Variants in ALKBH8 observed in about 807,000 individuals in gnomAD.
ALKBH8 encodes the protein alkB homolog 8, tRNA methyltransferase.
In ALKBH8, 36 loss-of-function variants were observed where a neutral mutation model predicts 59.8. The ratio of observed to expected loss-of-function variants is 0.60; its 90% CI spans 0.46 to 0.79. The LOEUF (loss-of-function observed/expected upper bound fraction) is 0.79, where lower values mean the gene tolerates loss of function less well. Among genes scored for constraint, ALKBH8 ranks in the 30% least tolerant of loss-of-function variants. ALKBH8 has a pLI of 0.00. For missense variants in ALKBH8, 768 were observed against 801.0 expected (o/e 0.96, Z 0.50); for synonymous variants, 276 against 273.6 (o/e 1.01, Z -0.09).
intron 11 of ALKBH8, among the ~76,000 whole-genome samples, chr11:107,507,166 A>T (rs546814832): frequency 2.0e-5 from 3 of 152,372 alleles, no homozygotes; most frequent in Non-Finnish European, 2.9e-5. Context: ...GCAATGAAAG[A>T]GAACTAAGAT....
At chr11:107,513,440 T>C (rs958609983) in intron 10 of ALKBH8, among the ~76,000 whole-genome samples, 2 of 152,164 alleles carry the variant, frequency 1.3e-5, no homozygotes, top group Non-Finnish European at 2.9e-5. Context: ...TCTTATACAC[T>C]GCTAGTGGGA....
rs747400741 is a variant in ALKBH8, at chr11:107,508,813, G to A, written c.1437+2074C>T. Among the ~76,000 whole-genome samples the A allele has an allele frequency of 1.0e-3, 152 of 152,112 alleles. 3 individuals are homozygous for A. The highest frequency in any genetic ancestry group is 5.9e-4 in the Non-Finnish European group (40 of 68,022). The stretch of plus-strand genomic sequence containing the variant: ...TTTCACTTAGCATAATATCCTCAAG[G>A]TTCATCCATGTTGTAGCATGTGTCA... On this transcript the variant is annotated intron_variant, in intron 11 of 11. Transcript: ENST00000428149.
intron 8 of ALKBH8, among the ~76,000 whole-genome samples, chr11:107,527,910 G>A (rs950067903): frequency 3.9e-5 from 6 of 151,962 alleles, no homozygotes; most frequent in Non-Finnish European, 8.8e-5. Context: ...TGGAAAAAAC[G>A]TTCAATAGAA....
rs147671155 is a variant in ALKBH8 at position 107,551,189 on chromosome 11, A to G, written c.700+619T>C. ...TGGTTTCTTCCATTACACGTCTCCT[A>G]TGTTTTTCAGACCAATGTCTTCCCT... On this transcript the variant is annotated intron_variant, in intron 6 of 11. Coordinates refer to ENST00000428149, the MANE Select transcript of ALKBH8 (RefSeq NM_138775.3). Among the ~76,000 whole-genome samples the G allele has an allele frequency of 5.1e-3, 770 of 152,240 alleles. 6 individuals carry two copies. The highest frequency in any genetic ancestry group is 0.037 in the Middle Eastern group (11 of 294).
intron 6 of ALKBH8, among the ~76,000 whole-genome samples, chr11:107,551,013 G>C (rs1476024597): frequency 6.6e-6 from 1 of 152,178 alleles, no homozygotes; most frequent in African/African-American, 2.4e-5. Context: ...TGCTATAAAC[G>C]TCAGATGAAG....
intron 2 of ALKBH8, among the ~76,000 whole-genome samples, 187 bp downstream of exon 2, chr11:107,560,578 T>C (rs1370773778): frequency 6.6e-6 from 1 of 152,018 alleles, no homozygotes; most frequent in Non-Finnish European, 1.5e-5. Context: ...ACAAAATAAA[T>C]AGAAATGCAA....
intron 7 of ALKBH8, among the ~76,000 whole-genome samples, chr11:107,546,855 A>G (rs958373689): frequency 6.6e-6 from 1 of 152,208 alleles, no homozygotes; most frequent in Non-Finnish European, 1.5e-5. Flanking sequence ...TAGACATACT[A>G]TAAGAGCTTT....
chr11:107,553,852 T>G lies in ALKBH8; in HGVS notation c.494A>C (p.Gln165Pro). Residue 165 changes from glutamine (Q) to proline (P), a missense_variant, in exon 4 of 12, where the codon CAA becomes CCA. Gln to Pro is a moderately conservative substitution (Grantham distance 76). Transcript: ENST00000428149. ...SVDWTEDTDNQNSQKSLKHRR... is the reference protein window; with the variant it reads ...SVDWTEDTDNPNSQKSLKHRR... The stretch of plus-strand genomic sequence containing the variant: ...ATTTTGAAAGTTTTACTTACAGTTT[T>G]GATTGTCTGTATCTTCTGTCCAATC... The G allele has an allele frequency of 6.2e-7, 1 of 1,608,882 alleles. No homozygotes were observed. Among genetic ancestry groups the G allele is most frequent in the Non-Finnish European group, 8.5e-7 (1 of 1,178,574 alleles).
rs1291294153 is a variant in ALKBH8, at chr11:107,507,508, GATT to G, written c.1438-2296_1438-2294del. 3.7e-4 allele frequency among the ~76,000 whole-genome samples: 56 copies of G among 152,178 alleles called. 1 individual carries two copies. In the East Asian group the frequency reaches 0.01, roughly 28 times the overall value. ...ATTTTATAAAAATGGTTGAAAAAAA[GATT>G]ATTAAAATAATAATAACTAATATTT... On this transcript the variant is annotated intron_variant, in intron 11 of 11. Coordinates refer to ENST00000428149, the MANE Select transcript of ALKBH8 (RefSeq NM_138775.3).
chr11:107,549,905 AT>A (rs1244034597), intron 6 of ALKBH8, 82 bp from the exon 7 acceptor site: 1 of 983,928 alleles, frequency 1.0e-6, no homozygotes, highest in African/African-American at 1.6e-5. Flanking sequence ...GCCTTATGCT[AT>A]TAAGGTGAAA....
At chr11:107,550,192 C>A (rs768293900) in intron 6 of ALKBH8, among the ~76,000 whole-genome samples, 3 of 152,150 alleles carry the variant, frequency 2.0e-5, no homozygotes, top group Non-Finnish European at 4.4e-5. Flanking sequence ...AAAGCAATAA[C>A]CAGGTATAAA....
chr11:107,516,466 A>G (rs917082789), intron 10 of ALKBH8, among the ~76,000 whole-genome samples: 1 of 152,250 alleles, frequency 6.6e-6, no homozygotes, highest in Non-Finnish European at 1.5e-5. Flanking sequence ...AAAATGGATG[A>G]AAGGCTTAAA....
At chr11:107,555,106 A>C (rs903806908) in intron 3 of ALKBH8, among the ~76,000 whole-genome samples, 1 of 152,016 alleles carries the variant, frequency 6.6e-6, no homozygotes, top group East Asian at 1.9e-4. Context: ...AAAAATACAA[A>C]AAAATTAGCC....
At position 107,522,535 on chromosome 11, in the gene ALKBH8, T is replaced by A. The variant is rs1348117987; in HGVS notation, c.1051A>T (p.Ser351Cys). 1.3e-6 allele frequency: 2 copies of A among 1,551,592 alleles called. No individual in the cohort carries two copies. The highest frequency in any genetic ancestry group is 1.7e-6 in the Non-Finnish European group (2 of 1,146,952). The change falls in exon 10 of 12, where the codon AGC becomes TGC. Residue 351 changes from serine (S) to cysteine (C), a missense_variant. Transcript: ENST00000428149. The part of the protein sequence containing the change: ...CNCSYPLVCD[S>C]QRKETPPSFP... ...GAGGGGGGAGTCTCTTTCCTCTGGC[T>A]ATCACAGACCAACGGGTAACCTTAA... is the stretch of plus-strand genomic sequence containing the variant.
At chr11:107,534,754 CATCTT>C (rs1181527660) in intron 7 of ALKBH8, among the ~76,000 whole-genome samples, 1 of 84,226 alleles carries the variant, frequency 1.2e-5, no homozygotes, top group Non-Finnish European at 2.9e-5. Flanking sequence ...GACCATTCCT[CATCTT>C]TTTTTTTTTT....
intron 2 of ALKBH8, among the ~76,000 whole-genome samples, 158 bp from the exon 3 acceptor site, chr11:107,557,161 T>C (rs375551227): frequency 2.7e-4 from 41 of 152,360 alleles, no homozygotes; most frequent in Non-Finnish European, 4.9e-4. Context: ...ATACAAAGTA[T>C]GTAAACCAAT....
intron 1 of ALKBH8, 112 bp from the exon 2 acceptor site, chr11:107,561,011 T>A (rs905021278): frequency 3.5e-5 from 34 of 979,284 alleles, no homozygotes; most frequent in African/African-American, 2.3e-4. Flanking sequence ...GACAATTTTT[T>A]AAAAATGCTT....
At chr11:107,517,580 A>G (rs1565317450) in intron 10 of ALKBH8, among the ~76,000 whole-genome samples, 1 of 152,216 alleles carries the variant, frequency 6.6e-6, no homozygotes, top group Admixed American at 6.5e-5. Context: ...CTACTTGGCT[A>G]TAACAAAGAA....
intron 7 of ALKBH8, among the ~76,000 whole-genome samples, chr11:107,537,719 CAA>C (rs11290722): frequency 2.3e-3 from 332 of 142,364 alleles, no homozygotes; most frequent in Admixed American, 3.8e-3. Context: ...AAGTTGAAGA[CAA>C]AAAAAAAAAA....
Sources: allele counts gnomAD v4.1 joint callset (sites outside exome capture counted in the v4.1 genomes callset), GRCh38; gene constraint gnomAD v4.1.1; transcripts MANE v1.5; gene names NCBI Gene and HGNC (gene_info 2026-07-23, HGNC 2026-07-21).